The following TUSC3 variants were observed in gnomAD, a reference collection of about 807,000 sequenced individuals.
TUSC3 encodes the protein dolichyl-diphosphooligosaccharide--protein glycosyltransferase subunit TUSC3.
Under a neutral mutation model 44.8 loss-of-function variants are expected in TUSC3, and 45 were observed. That is an observed-to-expected ratio of 1.00 (90% CI 0.79 to 1.29). The LOEUF (loss-of-function observed/expected upper bound fraction) is 1.29. TUSC3 is among the 50% of genes most tolerant of loss of function. TUSC3 has a pLI of 0.00. For missense variants in TUSC3, 519 were observed against 437.9 expected (o/e 1.19, Z -1.65); for synonymous variants, 212 against 152.9 (o/e 1.39, Z -2.85).
chr8:15,620,972 G>C (rs1309486128), intron 1 of TUSC3, among the ~76,000 whole-genome samples: 1 of 148,218 alleles, frequency 6.7e-6, no homozygotes, highest in African/African-American at 2.4e-5. Context: ...AGTATTAAAA[G>C]ATTGTGTGTG....
chr8:15,551,887 C>A (rs1488987749), intron 1 of TUSC3, among the ~76,000 whole-genome samples: 1 of 151,682 alleles, frequency 6.6e-6, no homozygotes, highest in African/African-American at 2.4e-5. Flanking sequence ...ATACATAGTT[C>A]ATAATCTTTG....
chr8:15,779,117 TTCC>T, the TUSC3 span, among the ~76,000 whole-genome samples: 2 of 65,612 alleles, frequency 3.0e-5, no homozygotes, highest in African/African-American at 1.3e-4. Flanking sequence ...TTTTTTTTTT[TTCC>T]ACGTTACTTC....
chr8:15,551,642 A>G (rs950063029), intron 1 of TUSC3, among the ~76,000 whole-genome samples: 2 of 151,716 alleles, frequency 1.3e-5, no homozygotes, highest in Non-Finnish European at 2.9e-5. Flanking sequence ...TTTTCAAAGA[A>G]CTTCATAGGT....
intron 6 of TUSC3, among the ~76,000 whole-genome samples, chr8:15,707,226 T>C (rs564791552): frequency 1.3e-5 from 2 of 151,994 alleles, no homozygotes; most frequent in African/African-American, 2.4e-5. Context: ...CTAAAAATGC[T>C]TATGCCAAGC....
intron 3 of TUSC3, among the ~76,000 whole-genome samples, chr8:15,655,522 A>G (rs1451363991): frequency 6.6e-6 from 1 of 152,204 alleles, no homozygotes; most frequent in East Asian, 1.9e-4. Context: ...CTCCAAGTCA[A>G]AGTCCGAACA....
At chr8:15,567,920 A>G (rs1208265858) in intron 1 of TUSC3, among the ~76,000 whole-genome samples, 1 of 152,164 alleles carries the variant, frequency 6.6e-6, no homozygotes, top group Non-Finnish European at 1.5e-5. Flanking sequence ...ACATTGAGTA[A>G]TGTGTGGTAC....
chr8:15,836,846 T>C, the TUSC3 span, among the ~76,000 whole-genome samples: 21 of 152,208 alleles, frequency 1.4e-4, no homozygotes, highest in Admixed American at 1.4e-3. Flanking sequence ...TTTATACTTC[T>C]ACTTTTCCTC....
At chr8:15,836,330 A>C in the TUSC3 span, among the ~76,000 whole-genome samples, 1 of 151,432 alleles carries the variant, frequency 6.6e-6, no homozygotes. Flanking sequence ...ACTTAAAAAA[A>C]AAAAAATTGC....
chr8:15,762,666 C>A (rs1358269443), intron 10 of TUSC3, among the ~76,000 whole-genome samples: 2 of 152,104 alleles, frequency 1.3e-5, no homozygotes, highest in Non-Finnish European at 2.9e-5. Context: ...AGTATCAGTT[C>A]ATTTTATGAT....
At chr8:15,667,480 A>G (rs930825669) in intron 5 of TUSC3, among the ~76,000 whole-genome samples, 1 of 151,670 alleles carries the variant, frequency 6.6e-6, no homozygotes, top group Non-Finnish European at 1.5e-5. Flanking sequence ...TTATTAAGTA[A>G]TGTCATTAAA....
chr8:15,470,103 A>T (rs1800467343), intron 1 of TUSC3, among the ~76,000 whole-genome samples: 1 of 139,218 alleles, frequency 7.2e-6, no homozygotes, highest in Admixed American at 7.8e-5. Flanking sequence ...AAAAAAAATT[A>T]ACAAAAAAAA....
chr8:15,472,291 G>C (rs1191297848), intron 1 of TUSC3, among the ~76,000 whole-genome samples: 4 of 152,122 alleles, frequency 2.6e-5, no homozygotes, highest in African/African-American at 9.7e-5. Flanking sequence ...AAAAGCCTGA[G>C]AGATTCTGGC....
the TUSC3 span, among the ~76,000 whole-genome samples, chr8:15,816,095 G>A: frequency 6.6e-6 from 1 of 152,138 alleles, no homozygotes; most frequent in African/African-American, 2.4e-5. Context: ...CAGTTAAGAT[G>A]GATGACCCTC....
chr8:15,756,954 G>A (rs1301995326), intron 9 of TUSC3, among the ~76,000 whole-genome samples: 2 of 152,168 alleles, frequency 1.3e-5, no homozygotes, highest in African/African-American at 4.8e-5. Context: ...ACCAGTCTGA[G>A]CAAGATGGTG....
chr8:15,534,724 G>T (rs1403645514), intron 2 of TUSC3, among the ~76,000 whole-genome samples: 3 of 151,782 alleles, frequency 2.0e-5, no homozygotes, highest in African/African-American at 7.3e-5. Flanking sequence ...GAATCCAGCA[G>T]CCTCCAGAAT....
At chr8:15,546,400 T>G (rs912455501) in intron 1 of TUSC3, among the ~76,000 whole-genome samples, 1 of 151,888 alleles carries the variant, frequency 6.6e-6, no homozygotes, top group African/African-American at 2.4e-5. Context: ...GGATGCTGGC[T>G]TCACATAATT....
chr8:15,640,453 G>A (rs896887988), intron 2 of TUSC3, among the ~76,000 whole-genome samples: 3 of 152,214 alleles, frequency 2.0e-5, no homozygotes, highest in Non-Finnish European at 4.4e-5. Flanking sequence ...CAAACGTGGT[G>A]ATGGTACTGG....
intron 2 of TUSC3, among the ~76,000 whole-genome samples, chr8:15,486,952 C>G (rs368147166): frequency 1.3e-5 from 2 of 152,074 alleles, no homozygotes; most frequent in Non-Finnish European, 2.9e-5. Context: ...TTAATATAAC[C>G]GTTAGTTGAT....
intron 1 of TUSC3, among the ~76,000 whole-genome samples, chr8:15,585,011 T>G (rs2129148255): frequency 6.6e-6 from 1 of 152,264 alleles, no homozygotes; most frequent in Middle Eastern, 3.4e-3. Flanking sequence ...TTTACATTAG[T>G]GTAGAAGGAA....
Sources: gnomAD v4.1 joint callset for allele counts (sites outside exome capture counted in the v4.1 genomes callset) on GRCh38, gnomAD v4.1.1 for gene constraint, MANE v1.5 for transcripts, NCBI Gene and HGNC (gene_info 2026-07-23, HGNC 2026-07-21) for gene names.